The following PPFIA4 variants were observed in gnomAD, a reference collection of about 807,000 sequenced individuals.
PPFIA4 encodes the protein PPFI scaffold protein A4.
Under a neutral mutation model 145.7 loss-of-function variants are expected in PPFIA4, and 98 were observed. The ratio of observed to expected loss-of-function variants is 0.67; its 90% CI spans 0.57 to 0.80. The LOEUF (loss-of-function observed/expected upper bound fraction) is 0.80, where lower values mean the gene tolerates loss of function less well. PPFIA4 is among the 30% of genes least tolerant of loss of function. PPFIA4 has a pLI of 0.00. For missense variants in PPFIA4, 1,457 were observed against 1,632.7 expected (o/e 0.89, Z 1.85); for synonymous variants, 628 against 649.6 (o/e 0.97, Z 0.51).
chr1:203,046,625 G>A, intron 9 of PPFIA4: 1 of 399,298 alleles, frequency 2.5e-6, no homozygotes, highest in Non-Finnish European at 4.4e-6. Context: ...ACTTGAAGGA[G>A]AAGAAGCTAT....
At position 203,076,721 on chromosome 1, in the gene PPFIA4, T is replaced by C; in HGVS notation, c.*331T>C. The C allele has an allele frequency of 5.1e-6, 2 of 389,406 alleles. No individual in the cohort carries two copies. The highest frequency in any genetic ancestry group is 5.7e-5 in the South Asian group (2 of 35,008). The allele number at this position is 389,406 out of a possible 1,614,324, so 24.1% of individuals were successfully genotyped here. A position where few individuals can be genotyped will look rare whatever the true frequency, so the allele number is the denominator to read the frequency against. On this transcript the variant is annotated 3_prime_UTR_variant, in exon 30 of 30. Transcript: ENST00000295706. ...CCTTCCTCTTCTGGACCCAGCCTGG[T>C]CTGCACTGCAACCTCCACCAGGACC...
At chr1:203,067,914 C>A in intron 26 of PPFIA4, 122 bp downstream of exon 26, 2 of 821,618 alleles carry the variant, frequency 2.4e-6, no homozygotes, top group Non-Finnish European at 4.0e-6. Context: ...AAGGAAGATG[C>A]AGCCTCACCT....
chr1:203,059,639 A>G lies in PPFIA4; in HGVS notation c.2502-131A>G. Reference sequence around the variant, plus strand: ...TCTTCAGAGGAAGAAGGAAGAGCAGAGCAGAGGAAGTCCAGGGTGGGGAGC... The same window carrying G: ...TCTTCAGAGGAAGAAGGAAGAGCAGGGCAGAGGAAGTCCAGGGTGGGGAGC... On this transcript the variant is annotated intron_variant, in intron 20 of 29. Transcript: ENST00000295706. 9.5e-6 allele frequency: 7 copies of G among 736,564 alleles called. No individual in the cohort carries two copies. The South Asian group carries it at 1.1e-4, about 12-fold the overall frequency. The allele number at this position is 736,564 out of a possible 1,614,324, so 45.6% of individuals were successfully genotyped here. A position where few individuals can be genotyped will look rare whatever the true frequency, so the allele number is the denominator to read the frequency against.
In PPFIA4 at chr1:203,054,176, G is replaced by A. The variant is rs1558085534; in HGVS notation, c.1829+215G>A. On this transcript the variant is annotated intron_variant, in intron 15 of 29. Coordinates refer to ENST00000295706, the MANE Select transcript of PPFIA4 (RefSeq NM_001304331.2). ...TCTCAGGCTTCACCTCCCCTCTCAGGGCTTGCGATGTGGCTGGGCTCAGGA... is the reference window on the plus strand; with the variant it reads ...TCTCAGGCTTCACCTCCCCTCTCAGAGCTTGCGATGTGGCTGGGCTCAGGA... 1.3e-5 allele frequency: 9 copies of A among 702,828 alleles called. No individual in the cohort carries two copies. In the East Asian group the frequency reaches 2.1e-4, roughly 17 times the overall value. The allele number at this position is 702,828 out of a possible 1,614,324, so 43.5% of individuals were successfully genotyped here.
At position 203,075,723 on chromosome 1, in the gene PPFIA4, C is replaced by T. The variant is rs1262060107; in HGVS notation, c.3540C>T (p.Pro1180=). ...FRVSTLGTLQ[P]PPAPPKKIMP... ...TGTCCACCCTGGGGACCCTGCAGCC[C>T]CCACCGGCCCCGCCAAAGAAGATCA... The change falls in exon 29 of 30, where the codon CCC becomes CCT. Residue 1180 remains proline, a synonymous_variant. Coordinates refer to ENST00000295706, the MANE Select transcript of PPFIA4 (RefSeq NM_001304331.2). The surrounding 1 kb of genome is among the most constrained non-coding windows in gnomAD (Gnocchi z 4.1). 1 of 1,391,640 alleles carries T rather than the reference C, an allele frequency of 7.2e-7. No homozygotes were observed. The highest frequency in any genetic ancestry group is 9.4e-7 in the Non-Finnish European group (1 of 1,066,556). 86.2% of individuals were successfully genotyped at this position (1,391,640 alleles called of 1,614,324 possible). A position where few individuals can be genotyped will look rare whatever the true frequency, so the allele number is the denominator to read the frequency against.
At chr1:203,061,095 T>C (rs1485122692) in intron 23 of PPFIA4, 63 bp downstream of exon 23, 1 of 1,506,108 alleles carries the variant, frequency 6.6e-7, no homozygotes, top group Non-Finnish European at 9.2e-7. Flanking sequence ...CCCATGAGGA[T>C]GAGGGGAAGG....
chr1:203,033,225 C>T (rs533292703), intron 1 of PPFIA4, among the ~76,000 whole-genome samples: 2 of 152,184 alleles, frequency 1.3e-5, no homozygotes, highest in Non-Finnish European at 2.9e-5. Flanking sequence ...ATTTGGGAAC[C>T]TGATCACAGA....
chr1:203,069,638 C>T (rs1035425306), intron 27 of PPFIA4, among the ~76,000 whole-genome samples: 21 of 152,082 alleles, frequency 1.4e-4, no homozygotes, highest in African/African-American at 9.7e-5. Flanking sequence ...GGAGCAGACA[C>T]GTTTTGGCTT....
rs1378404561 is a variant in PPFIA4, at chr1:203,045,887, A to G, written c.905A>G (p.Glu302Gly). ...EDMEERITTLEKRYLAAQREA... is the reference protein window; with the variant it reads ...EDMEERITTLGKRYLAAQREA... ...ATGGAAGAGCGGATTACTACACTGG[A>G]GAAGCGCTACCTGGCTGCTCAGCGT... The change falls in exon 8 of 30, where the codon GAG becomes GGG. Residue 302 changes from glutamate (E) to glycine (G), a missense_variant. Glu to Gly is a moderately conservative substitution (Grantham distance 98). Coordinates refer to ENST00000295706, the MANE Select transcript of PPFIA4 (RefSeq NM_001304331.2). 3.1e-6 allele frequency: 5 copies of G among 1,612,856 alleles called. No individual in the cohort carries two copies. The highest frequency in any genetic ancestry group is 3.4e-6 in the Non-Finnish European group (4 of 1,179,880).
rs115163500 is a variant in PPFIA4, at chr1:203,035,722, C to T, written c.-399-2888C>T. 2,351 of 450,866 alleles carry T rather than the reference C, an allele frequency of 5.2e-3. 43 individuals are homozygous for T. Among genetic ancestry groups the T allele is most frequent in the African/African-American group, 0.043 (2,164 of 50,038 alleles). The allele number at this position is 450,866 out of a possible 1,614,324, so 27.9% of individuals were successfully genotyped here. A position where few individuals can be genotyped will look rare whatever the true frequency, so the allele number is the denominator to read the frequency against. ...GATAATTGCGCTATTTAAAGACGGC[C>T]CTGGAGCCAGAAGGAGCTGGAAGGA... On this transcript the variant is annotated intron_variant, in intron 1 of 29. Transcript: ENST00000295706.
chr1:203,070,104 TTTC>T (rs1374511905), intron 27 of PPFIA4, among the ~76,000 whole-genome samples: 1 of 152,050 alleles, frequency 6.6e-6, no homozygotes, highest in Non-Finnish European at 1.5e-5. Context: ...GAAATGGACT[TTTC>T]TCTTTCTTTG....
At chr1:203,046,483 G>A in intron 9 of PPFIA4, 101 bp downstream of exon 9, 1 of 1,398,268 alleles carries the variant, frequency 7.2e-7, no homozygotes, top group Non-Finnish European at 9.5e-7. Context: ...CACTGGGCCA[G>A]GAGCCAGAAA....
chr1:203,074,840 C>T (rs1184139881), intron 28 of PPFIA4, among the ~76,000 whole-genome samples: 1 of 151,918 alleles, frequency 6.6e-6, no homozygotes, highest in Non-Finnish European at 1.5e-5. Context: ...GGAGACATGG[C>T]TGGCATGGGT....
intron 27 of PPFIA4, 55 bp from the exon 28 acceptor site, chr1:203,071,637 A>T: frequency 7.4e-7 from 1 of 1,351,790 alleles, no homozygotes; most frequent in Non-Finnish European, 1.0e-6. Flanking sequence ...GATGGCATAA[A>T]GGTAGTTAAC....
rs1659887277 is a variant in PPFIA4 at position 203,044,021 on chromosome 1, G to T, written c.427G>T (p.Gly143Trp). 1 of 1,612,516 alleles carries T rather than the reference G, an allele frequency of 6.2e-7. No individual in the cohort carries two copies. The highest frequency in any genetic ancestry group is 1.1e-5 in the South Asian group (1 of 91,052). Residue 143 changes from glycine to tryptophan, a missense_variant, in exon 4 of 30, where the codon GGG becomes TGG. By Grantham distance (184) the Gly-to-Trp change is radical. Transcript: ENST00000295706. The stretch of plus-strand genomic sequence containing the variant: ...GAAGCGCCAGGCCCAGTCACCTTCG[G>T]GGGTCTCCAGTGAGGTGGAGGTGCT... Reference protein sequence around the residue: ...VVKRQAQSPSGVSSEVEVLKA... With the variant: ...VVKRQAQSPSWVSSEVEVLKA...
At chr1:203,038,339 C>T (rs1659449478) in intron 1 of PPFIA4, among the ~76,000 whole-genome samples, 1 of 152,198 alleles carries the variant, frequency 6.6e-6, no homozygotes, top group East Asian at 1.9e-4. Flanking sequence ...GGCCAGTGAG[C>T]CACGTGGGTA....
intron 28 of PPFIA4, 148 bp downstream of exon 28, chr1:203,071,908 T>C: frequency 1.4e-6 from 1 of 731,544 alleles, no homozygotes; most frequent in Admixed American, 2.2e-5. Flanking sequence ...TGTCAGGGGG[T>C]TGAGGAGGTG....
intron 28 of PPFIA4, among the ~76,000 whole-genome samples, chr1:203,072,287 C>T (rs755399941): frequency 1.6e-4 from 24 of 152,186 alleles, no homozygotes; most frequent in Admixed American, 4.6e-4. Context: ...AACACACGCT[C>T]GGGCTTTTAC....
intron 24 of PPFIA4, among the ~76,000 whole-genome samples, chr1:203,062,611 C>T (rs1325422874): frequency 6.6e-6 from 1 of 150,816 alleles, no homozygotes; most frequent in Non-Finnish European, 1.5e-5. Flanking sequence ...TCAGGGAAAA[C>T]CCCACCAGCA....
Sources: allele counts gnomAD v4.1 joint callset (sites outside exome capture counted in the v4.1 genomes callset), GRCh38; gene constraint gnomAD v4.1.1; non-coding constraint Gnocchi (gnomAD v3.1); transcripts MANE v1.5; gene names NCBI Gene and HGNC (gene_info 2026-07-23, HGNC 2026-07-21).